MECOM: variants seen among roughly 807,000 people sequenced by gnomAD.
MECOM encodes MDS1 and EVI1 complex locus, also known as histone-lysine N-methyltransferase MECOM.
Under a neutral mutation model 116.3 loss-of-function variants are expected in MECOM, and 13 were observed. That is an observed-to-expected ratio of 0.11 (90% CI 0.07 to 0.18). MECOM has a LOEUF of 0.18. Ranked by LOEUF, MECOM falls within the 10% of genes least tolerant of loss-of-function variation. The pLI is 1.00. For missense variants in MECOM, 1,299 were observed against 1,509.0 expected (o/e 0.86, Z 2.31); for synonymous variants, 528 against 535.2 (o/e 0.99, Z 0.19).
intron 1 of MECOM, among the ~76,000 whole-genome samples, chr3:169,384,389 G>A (rs374048078): frequency 3.3e-5 from 5 of 152,184 alleles, no homozygotes; most frequent in Admixed American, 6.5e-5. Context: ...TATTATCAGA[G>A]AAGTATACTT....
At chr3:169,460,403 T>C (rs1747243990) in intron 1 of MECOM, among the ~76,000 whole-genome samples, 1 of 152,156 alleles carries the variant, frequency 6.6e-6, no homozygotes, top group Admixed American at 6.5e-5. Context: ...GTCTAAACAA[T>C]AGAAGTATTG....
intron 1 of MECOM, among the ~76,000 whole-genome samples, chr3:169,569,769 TCTTTGAAACTTATTTCAAAGAA>T (rs1196755516): frequency 6.6e-6 from 1 of 152,106 alleles, no homozygotes; most frequent in South Asian, 2.1e-4. Flanking sequence ...ATAAATAAGT[TCTTTGAAACTTATTTCAAAGAA>T]CTTTGAGAAC....
intron 1 of MECOM, among the ~76,000 whole-genome samples, chr3:169,595,237 C>T (rs1766995853): frequency 6.6e-6 from 1 of 152,026 alleles, no homozygotes; most frequent in Non-Finnish European, 1.5e-5. Flanking sequence ...TACAAATTAC[C>T]TTTCTAAACC....
Position 169,102,167 on chromosome 3 carries a change from C to G in MECOM, c.2664G>C (p.Glu888Asp), listed in dbSNP as rs1450702771. ...KLESFSALKPEASELLQSVPS... is the reference protein window; with the variant it reads ...KLESFSALKPDASELLQSVPS... ...GCACTGACTGTAAGAGCTCACTGGC[C>G]TCAGGTTTCAGGGCACTGAAGCTCT... The change falls in exon 11 of 17, where the codon GAG becomes GAC. Residue 888 changes from glutamate to aspartate, a missense_variant. By Grantham distance (45) the Glu-to-Asp change is conservative (BLOSUM62 2). Coordinates refer to ENST00000651503, the MANE Select transcript of MECOM (RefSeq NM_004991.4). 1.9e-6 allele frequency: 3 copies of G among 1,613,882 alleles called. No homozygotes were observed. In the East Asian group the frequency reaches 6.7e-5, roughly 36 times the overall value.
intron 2 of MECOM, among the ~76,000 whole-genome samples, chr3:169,267,761 CA>C (rs1411538151): frequency 7.7e-6 from 1 of 129,848 alleles, no homozygotes; most frequent in African/African-American, 4.7e-5. Flanking sequence ...TAGCATAGTC[CA>C]TTTTTTTTTT....
intron 2 of MECOM, among the ~76,000 whole-genome samples, chr3:169,165,232 C>T (rs1743406628): frequency 6.6e-6 from 1 of 152,068 alleles, no homozygotes; most frequent in African/African-American, 2.4e-5. Flanking sequence ...CAAACATTTC[C>T]AAACCGTAAC....
intron 1 of MECOM, among the ~76,000 whole-genome samples, chr3:169,458,078 T>C (rs1395208951): frequency 3.9e-5 from 6 of 152,216 alleles, no homozygotes; most frequent in Non-Finnish European, 5.9e-5. Flanking sequence ...ATACAATGGA[T>C]GATAGGATAA....
In MECOM at chr3:169,420,064, A is replaced by G. The variant is rs913398762; in HGVS notation, c.38-38540T>C. Among the ~76,000 whole-genome samples the G allele has an allele frequency of 2.6e-5, 4 of 152,342 alleles. No homozygotes were observed. In the South Asian group the frequency reaches 8.3e-4, roughly 32 times the overall value. On this transcript the variant is annotated intron_variant, in intron 1 of 16. Coordinates refer to ENST00000651503, the MANE Select transcript of MECOM (RefSeq NM_004991.4). ...CAAATCAAAACCATAATTAGATACCATCTCACGCCAGTTAGAATGGCGATC... is the reference window on the plus strand; with the variant it reads ...CAAATCAAAACCATAATTAGATACCGTCTCACGCCAGTTAGAATGGCGATC...
intron 7 of MECOM, among the ~76,000 whole-genome samples, chr3:169,119,430 C>T (rs1399894689): frequency 6.6e-6 from 1 of 152,168 alleles, no homozygotes; most frequent in Non-Finnish European, 1.5e-5. Flanking sequence ...AAGGGAAATA[C>T]TTTATGCAAT....
chr3:169,618,519 T>C (rs1424860556), intron 1 of MECOM, among the ~76,000 whole-genome samples: 3 of 152,124 alleles, frequency 2.0e-5, no homozygotes, highest in East Asian at 1.9e-4. Context: ...TAGCTGGTCA[T>C]GGTGGCGCGC....
chr3:169,539,029 C>CAA (rs557219132), intron 1 of MECOM, among the ~76,000 whole-genome samples: 4 of 137,498 alleles, frequency 2.9e-5, no homozygotes, highest in African/African-American at 7.9e-5. Flanking sequence ...TTATAGATTC[C>CAA]AAAAAAAAAA....
At chr3:169,335,525 T>C (rs769034203) in intron 2 of MECOM, among the ~76,000 whole-genome samples, 1 of 152,110 alleles carries the variant, frequency 6.6e-6, no homozygotes, top group Non-Finnish European at 1.5e-5. Context: ...GCAAAGTTTG[T>C]TCCAGGGAAA....
chr3:169,513,056 T>TA (rs2109035309), intron 1 of MECOM, among the ~76,000 whole-genome samples: 1 of 152,326 alleles, frequency 6.6e-6, no homozygotes, highest in African/African-American at 2.4e-5. Flanking sequence ...TAGGCCCGGG[T>TA]CCAACTCCTG....
chr3:169,114,551 TA>T (rs1292330015), intron 8 of MECOM, among the ~76,000 whole-genome samples: 1 of 152,172 alleles, frequency 6.6e-6, no homozygotes, highest in Non-Finnish European at 1.5e-5. Context: ...ATAAGTTCAA[TA>T]AAAAATTATC....
At chr3:169,106,193 A>T (rs1339294829) in intron 10 of MECOM, among the ~76,000 whole-genome samples, 2 of 152,156 alleles carry the variant, frequency 1.3e-5, no homozygotes, top group Admixed American at 6.6e-5. Flanking sequence ...ATCTTGAGAA[A>T]TCTCAAAATC....
At chr3:169,199,654 C>T (rs1248765953) in intron 2 of MECOM, among the ~76,000 whole-genome samples, 2 of 151,982 alleles carry the variant, frequency 1.3e-5, no homozygotes, top group Non-Finnish European at 2.9e-5. Context: ...AGTTACGTTA[C>T]ACATGCACAA....
At chr3:169,278,524 T>G (rs1325212947) in intron 2 of MECOM, among the ~76,000 whole-genome samples, 2 of 152,192 alleles carry the variant, frequency 1.3e-5, no homozygotes, top group African/African-American at 2.4e-5. Flanking sequence ...CATAGAAAAT[T>G]AAAGCTTTCA....
chr3:169,382,306 T>C (rs946968938), intron 1 of MECOM, among the ~76,000 whole-genome samples: 6 of 152,046 alleles, frequency 3.9e-5, no homozygotes, highest in African/African-American at 1.4e-4. Context: ...AAACGCTTTG[T>C]ATGGGGCACT....
At chr3:169,578,853 T>G (rs1455249625) in intron 1 of MECOM, among the ~76,000 whole-genome samples, 1 of 152,204 alleles carries the variant, frequency 6.6e-6, no homozygotes, top group African/African-American at 2.4e-5. Flanking sequence ...CTCTTTCATT[T>G]AACCACATAT....
Sources: allele counts gnomAD v4.1 joint callset (sites outside exome capture counted in the v4.1 genomes callset), GRCh38; gene constraint gnomAD v4.1.1; transcripts MANE v1.5; gene names NCBI Gene and HGNC (gene_info 2026-07-23, HGNC 2026-07-21).